The following PDLIM5 variants were observed in gnomAD, a reference collection of about 807,000 sequenced individuals.
PDLIM5 encodes the protein PDZ and LIM domain 5.
PDLIM5 carries 34 observed loss-of-function variants against 64.2 expected under a neutral mutation model. That is an observed-to-expected ratio of 0.53 (90% confidence interval 0.40 to 0.71). The LOEUF is 0.71. PDLIM5 is among the 30% of genes least tolerant of loss of function. The pLI is 0.00. For synonymous variants in PDLIM5, 253 were observed against 269.1 expected (o/e 0.94, Z 0.59); for missense variants, 683 against 733.6 (o/e 0.93, Z 0.80).
chr4:94,468,496 TAAAAAGG>T (rs1413704069), intron 2 of PDLIM5, among the ~76,000 whole-genome samples: 1 of 152,110 alleles, frequency 6.6e-6, no homozygotes, highest in African/African-American at 2.4e-5. Context: ...AGAGAAGACA[TAAAAAGG>T]AAAGAAAACT....
chr4:94,532,489 C>A (rs962676654), intron 3 of PDLIM5, among the ~76,000 whole-genome samples: 1 of 152,120 alleles, frequency 6.6e-6, no homozygotes, highest in African/African-American at 2.4e-5. Flanking sequence ...GCTGCTTAAT[C>A]CATCACAGGT....
chr4:94,567,159 A>AT (rs958918506), intron 3 of PDLIM5, among the ~76,000 whole-genome samples: 32 of 152,000 alleles, frequency 2.1e-4, no homozygotes, highest in Non-Finnish European at 3.7e-4. Context: ...CACCTGGCTA[A>AT]TTTTTTTGTA....
chr4:94,574,785 T>C (rs573891258), intron 4 of PDLIM5, among the ~76,000 whole-genome samples: 10 of 152,172 alleles, frequency 6.6e-5, no homozygotes, highest in Admixed American at 5.9e-4. Context: ...TTAGGAGGAA[T>C]TGACCTTTCT....
chr4:94,639,829 G>A (rs1416762254), intron 8 of PDLIM5, among the ~76,000 whole-genome samples: 1 of 152,066 alleles, frequency 6.6e-6, no homozygotes, highest in Non-Finnish European at 1.5e-5. Flanking sequence ...AGGAGTTCAA[G>A]ACCAGCGGAC....
At chr4:94,637,423 G>T (rs1196153082) in intron 8 of PDLIM5, among the ~76,000 whole-genome samples, 1 of 152,118 alleles carries the variant, frequency 6.6e-6, no homozygotes, top group Non-Finnish European at 1.5e-5. Context: ...GCCCAGCGTG[G>T]TGGCAGCCAC....
At chr4:94,483,150 G>A (rs796878796) in intron 2 of PDLIM5, among the ~76,000 whole-genome samples, 4 of 152,122 alleles carry the variant, frequency 2.6e-5, no homozygotes, top group African/African-American at 9.6e-5. Flanking sequence ...TGAGGAGAGA[G>A]GATGTGTTTA....
intron 3 of PDLIM5, among the ~76,000 whole-genome samples, chr4:94,566,582 A>G (rs1259340565): frequency 6.6e-6 from 1 of 152,200 alleles, no homozygotes; most frequent in African/African-American, 2.4e-5. Flanking sequence ...ACAGTTCTGC[A>G]AGGGAGGTAT....
chr4:94,595,766 A>G (rs1256022056), intron 7 of PDLIM5, among the ~76,000 whole-genome samples: 3 of 152,218 alleles, frequency 2.0e-5, no homozygotes, highest in African/African-American at 7.2e-5. Context: ...ACGTTAGTTG[A>G]GTATATTACC....
chr4:94,608,766 G>T (rs1738131463), intron 7 of PDLIM5, among the ~76,000 whole-genome samples: 1 of 152,106 alleles, frequency 6.6e-6, no homozygotes, highest in Non-Finnish European at 1.5e-5. Context: ...CATTGTCTCA[G>T]AGATGCAGAG....
At chr4:94,606,525 G>A (rs1012678290) in intron 7 of PDLIM5, among the ~76,000 whole-genome samples, 1 of 152,180 alleles carries the variant, frequency 6.6e-6, no homozygotes, top group African/African-American at 2.4e-5. Flanking sequence ...AAAAGAGATG[G>A]AAGGCCCAGT....
intron 3 of PDLIM5, among the ~76,000 whole-genome samples, chr4:94,526,068 G>A (rs757082875): frequency 9.2e-5 from 14 of 152,188 alleles, no homozygotes; most frequent in Non-Finnish European, 1.6e-4. Context: ...GATGATGACA[G>A]GCTGTTTTAC....
chr4:94,610,982 A>G (rs983737298), intron 7 of PDLIM5: 2 of 966,372 alleles, frequency 2.1e-6, no homozygotes, highest in African/African-American at 1.6e-5. Flanking sequence ...TCGTAAAGGA[A>G]ATGTTTCAAA....
chr4:94,587,601 G>A lies in PDLIM5; in HGVS notation c.920+1157G>A, dbSNP rs1015826159. On this transcript the variant is annotated intron_variant, in intron 7 of 12. Coordinates refer to ENST00000317968, the MANE Select transcript of PDLIM5 (RefSeq NM_006457.5). ...TAAACAAAGACTTTATTAAAGAAGA[G>A]TGCGTGCATTGTAGATTTAGGTATC... is the stretch of plus-strand genomic sequence containing the variant. 2.5e-5 allele frequency: 24 copies of A among 971,776 alleles called. No homozygotes were observed. In the Admixed American group the frequency reaches 1.4e-3, roughly 55 times the overall value. The allele number at this position is 971,776 out of a possible 1,614,324, so 60.2% of individuals were successfully genotyped here.
Position 94,665,994 on chromosome 4 carries a change from T to A in PDLIM5, c.*1927T>A. ...TGCCCAGTGAGAAAACAGATTCTGGTATTTGATTTGGTTTTTCTCTTTGTT... is the reference window on the plus strand; with the variant it reads ...TGCCCAGTGAGAAAACAGATTCTGGAATTTGATTTGGTTTTTCTCTTTGTT... On this transcript the variant is annotated 3_prime_UTR_variant, in exon 13 of 13. Transcript: ENST00000317968. 6.5e-7 allele frequency: 1 copy of A among 1,532,496 alleles called. No homozygotes were observed. Among genetic ancestry groups the A allele is most frequent in the East Asian group, 2.4e-5 (1 of 40,832 alleles). 94.9% of individuals were successfully genotyped at this position (1,532,496 alleles called of 1,614,324 possible). A position where few individuals can be genotyped will look rare whatever the true frequency, so the allele number is the denominator to read the frequency against.
At position 94,563,832 on chromosome 4, in the gene PDLIM5, C is replaced by T. The variant is rs138276035; in HGVS notation, c.249-9519C>T. Among the ~76,000 whole-genome samples, 9 of 152,088 alleles carry T rather than the reference C, an allele frequency of 5.9e-5. No individual in the cohort carries two copies. The East Asian group carries it at 1.7e-3, about 29-fold the overall frequency. On this transcript the variant is annotated intron_variant, in intron 3 of 12. Coordinates refer to ENST00000317968, the MANE Select transcript of PDLIM5 (RefSeq NM_006457.5). ...TTGGGGCAGTTTTTATTCCTTCTCT[C>T]TTCCTTTCTTTTAGTAAGTAGGCTT...
chr4:94,606,007 T>C (rs1273649426), intron 7 of PDLIM5, among the ~76,000 whole-genome samples: 1 of 152,030 alleles, frequency 6.6e-6, no homozygotes, highest in Non-Finnish European at 1.5e-5. Context: ...TTCATTTCTT[T>C]CAAGTTATCA....
At chr4:94,492,932 A>C (rs553054967) in intron 2 of PDLIM5, among the ~76,000 whole-genome samples, 3 of 152,098 alleles carry the variant, frequency 2.0e-5, no homozygotes, top group Non-Finnish European at 4.4e-5. Context: ...ATGTTTAACT[A>C]TTTGAGGAAC....
chr4:94,628,868 C>T (rs1739910841), intron 8 of PDLIM5, among the ~76,000 whole-genome samples: 1 of 151,820 alleles, frequency 6.6e-6, no homozygotes, highest in African/African-American at 2.4e-5. Flanking sequence ...TACCATTGAT[C>T]CTCTTTAGTA....
At chr4:94,663,934 A>G (rs1381082544) in intron 12 of PDLIM5, 44 bp from the exon 13 acceptor site, 2 of 1,570,416 alleles carry the variant, frequency 1.3e-6, no homozygotes, top group Non-Finnish European at 1.7e-6. Context: ...AATCCTCTTA[A>G]TATCCTCTTA....
Sources: allele counts gnomAD v4.1 joint callset (sites outside exome capture counted in the v4.1 genomes callset), GRCh38; gene constraint gnomAD v4.1.1; transcripts MANE v1.5; gene names NCBI Gene and HGNC (gene_info 2026-07-23, HGNC 2026-07-21).